The following ATP1A4 variants were observed in gnomAD, a reference collection of about 807,000 sequenced individuals.
ATP1A4 encodes the protein sodium/potassium-transporting ATPase subunit alpha-4.
Under a neutral mutation model 114.3 loss-of-function variants are expected in ATP1A4, and 90 were observed. The ratio of observed to expected loss-of-function variants is 0.79; its 90% CI spans 0.66 to 0.94. The LOEUF is 0.94. Among genes scored for constraint, ATP1A4 ranks in the 40% least tolerant of loss-of-function variants. The probability of loss-of-function intolerance (pLI) is 0.00; values close to 1 mark genes in which losing one functional copy is unlikely to be tolerated. For synonymous variants in ATP1A4, 511 were observed against 494.1 expected, an observed-to-expected ratio of 1.03 and a Z score of -0.45; for missense variants, 1,222 against 1,313.6, an observed-to-expected ratio of 0.93 and a Z score of 1.08.
At chr1:160,184,241 G>A (rs907154357) in intron 20 of ATP1A4, among the ~76,000 whole-genome samples, 1 of 151,992 alleles carries the variant, frequency 6.6e-6, no homozygotes, top group East Asian at 1.9e-4. Context: ...GTGAGCCACC[G>A]CACCTGGCCT....
In ATP1A4 at chr1:160,171,776, C is replaced by G. The variant is rs746528616; in HGVS notation, c.1854+19C>G. On this transcript the variant is annotated intron_variant, in intron 12 of 21. Transcript: ENST00000368081. ...AATTAAGGTAAATACTTGCCCAGACCAGGAGCCCCTCACCTGTCACAAGTT... is the reference window on the plus strand; with the variant it reads ...AATTAAGGTAAATACTTGCCCAGACGAGGAGCCCCTCACCTGTCACAAGTT... 1.9e-6 allele frequency: 3 copies of G among 1,609,756 alleles called. No homozygotes were observed. Among genetic ancestry groups the G allele is most frequent in the South Asian group, 1.1e-5 (1 of 90,512 alleles).
At chr1:160,184,489 G>C (rs1031522816) in intron 20 of ATP1A4, among the ~76,000 whole-genome samples, 3 of 152,102 alleles carry the variant, frequency 2.0e-5, no homozygotes, top group Non-Finnish European at 4.4e-5. Context: ...CAAGACTGCA[G>C]TGAGTTATGA....
intron 20 of ATP1A4, among the ~76,000 whole-genome samples, chr1:160,184,888 T>C (rs934297810): frequency 3.3e-5 from 5 of 152,166 alleles, no homozygotes; most frequent in South Asian, 2.1e-4. Flanking sequence ...ATCTTTGTAA[T>C]ACAGAAGCAT....
chr1:160,164,424 T>A lies in ATP1A4; in HGVS notation c.1047T>A (p.Thr349=). 6.2e-7 allele frequency: 1 copy of A among 1,614,040 alleles called. No homozygotes were observed. The highest frequency in any genetic ancestry group is 8.5e-7 in the Non-Finnish European group (1 of 1,179,926). Residue 349 remains threonine (T), a splice_region_variant and synonymous_variant, in exon 7 of 22, where the codon ACT becomes ACA. Transcript: ENST00000368081. The stretch of plus-strand genomic sequence containing the variant: ...CTGAGGGGCTGTTGGCCACAGTCAC[T>A]GTGAGTAGACAGGGTGGAAAATGGC... ...NVPEGLLATV[T]VCLTLTAKRM...
In ATP1A4 at chr1:160,153,146, G is replaced by T; in HGVS notation, c.148-19G>T. The stretch of plus-strand genomic sequence containing the variant: ...CCTGGGCCACCCCCTGTCCCTCAAT[G>T]CCTCTACTGTCCCCTCAGGATGATC... On this transcript the variant is annotated intron_variant, in intron 1 of 21. Transcript: ENST00000368081. The T allele has an allele frequency of 6.2e-7, 1 of 1,612,340 alleles. No homozygotes were observed. The highest frequency in any genetic ancestry group is 8.5e-7 in the Non-Finnish European group (1 of 1,178,536).
At chr1:160,177,690 C>G (rs1653529259) in intron 18 of ATP1A4, 26 bp downstream of exon 18, 3 of 1,612,786 alleles carry the variant, frequency 1.9e-6, no homozygotes, top group Non-Finnish European at 2.5e-6. Context: ...AAGGTAGGAG[C>G]TGAGACCAGT....
At chr1:160,158,675 C>T (rs915375125) in intron 4 of ATP1A4, among the ~76,000 whole-genome samples, 2 of 152,256 alleles carry the variant, frequency 1.3e-5, no homozygotes, top group African/African-American at 2.4e-5. Context: ...CCACCAGTCA[C>T]GGCCTGAAAG....
At position 160,181,706 on chromosome 1, in the gene ATP1A4, T is replaced by C; in HGVS notation, c.2759T>C (p.Val920Ala). Reference protein sequence around the residue: ...QQWTYEQRKVVEFTCQTAFFV... With the variant: ...QQWTYEQRKVAEFTCQTAFFV... ...TAGACCTATGAGCAACGAAAAGTTGTGGAGTTCACATGCCAAACGGCCTTT... is the reference window on the plus strand; with the variant it reads ...TAGACCTATGAGCAACGAAAAGTTGCGGAGTTCACATGCCAAACGGCCTTT... The change falls in exon 19 of 22, where the codon GTG (valine) becomes GCG (alanine). Residue 920 changes from valine to alanine, a missense_variant. Physicochemically the swap from Val to Ala is moderately conservative, Grantham distance 64. Transcript: ENST00000368081. The C allele has an allele frequency of 4.3e-6, 7 of 1,614,154 alleles. No individual in the cohort carries two copies. The highest frequency in any genetic ancestry group is 5.9e-6 in the Non-Finnish European group (7 of 1,180,038).
In ATP1A4 at chr1:160,166,517, C is replaced by T. The variant is rs1356214460; in HGVS notation, c.1048-11C>T. On this transcript the variant is annotated splice_polypyrimidine_tract_variant and intron_variant, in intron 7 of 21. Coordinates refer to ENST00000368081, the MANE Select transcript of ATP1A4 (RefSeq NM_144699.4). ...TCCCATGTGTATTCTCTCCTCTCTT[C>T]TTGGCTTTAGGTGTGCCTGACCCTC... The T allele has an allele frequency of 6.2e-7, 1 of 1,614,160 alleles. No individual in the cohort carries two copies. The highest frequency in any genetic ancestry group is 1.3e-5 in the African/African-American group (1 of 75,066).
intron 1 of ATP1A4, 37 bp from the exon 2 acceptor site, chr1:160,153,128 C>T (rs772239059): frequency 6.3e-7 from 1 of 1,587,194 alleles, no homozygotes; most frequent in South Asian, 1.1e-5. Flanking sequence ...TGACCTGGGC[C>T]ACCCCCTGTC....
At position 160,166,652 on chromosome 1, in the gene ATP1A4, A is replaced by C; in HGVS notation, c.1172A>C (p.Gln391Pro). 6.2e-7 allele frequency: 1 copy of C among 1,614,216 alleles called. No homozygotes were observed. ...TCAGACAAGACGGGCACCCTCACCC[A>C]GAACCGCATGACCGTCGCCCACATG... ...ICSDKTGTLT[Q>P]NRMTVAHMWF... The change falls in exon 8 of 22, where the codon CAG becomes CCG. Residue 391 changes from glutamine (Q) to proline (P), a missense_variant. By Grantham distance (76) the Gln-to-Pro change is moderately conservative. Transcript: ENST00000368081.
intron 12 of ATP1A4, 32 bp downstream of exon 12, chr1:160,171,789 C>A (rs761491326): frequency 6.2e-7 from 1 of 1,602,856 alleles, no homozygotes; most frequent in Non-Finnish European, 8.5e-7. Flanking sequence ...GAGCCCCTCA[C>A]CTGTCACAAG....
intron 18 of ATP1A4, among the ~76,000 whole-genome samples, chr1:160,178,602 G>A (rs2101653107): frequency 6.6e-6 from 1 of 152,172 alleles, no homozygotes; most frequent in South Asian, 2.1e-4. Flanking sequence ...TTGATCCCAG[G>A]AGGCGGAGAT....
intron 20 of ATP1A4, among the ~76,000 whole-genome samples, chr1:160,184,534 A>G (rs4656251): frequency 0.75 from 114,274 of 151,954 alleles, 43,576 homozygotes; most frequent in African/African-American, 0.87. Context: ...ACGACAGAGC[A>G]AGTCCCTGTC....
chr1:160,172,417 C>G (rs1174018324), intron 12 of ATP1A4, among the ~76,000 whole-genome samples: 1 of 152,050 alleles, frequency 6.6e-6, no homozygotes, highest in African/African-American at 2.4e-5. Context: ...AGGTATATGC[C>G]CAGGTCTAAA....
At chr1:160,184,914 C>T (rs1653826340) in intron 20 of ATP1A4, among the ~76,000 whole-genome samples, 1 of 152,122 alleles carries the variant, frequency 6.6e-6, no homozygotes, top group Non-Finnish European at 1.5e-5. Flanking sequence ...TATTCGCCGA[C>T]AAAGTATCCC....
At chr1:160,163,500 T>C (rs1226913649) in intron 6 of ATP1A4, among the ~76,000 whole-genome samples, 1 of 152,098 alleles carries the variant, frequency 6.6e-6, no homozygotes, top group Non-Finnish European at 1.5e-5. Flanking sequence ...TTACTTAGGT[T>C]TACCCATTAT....
intron 4 of ATP1A4, 91 bp from the exon 5 acceptor site, chr1:160,158,911 G>A (rs1187156447): frequency 2.1e-6 from 3 of 1,398,258 alleles, no homozygotes; most frequent in Non-Finnish European, 2.9e-6. Context: ...GGAGTAAGGA[G>A]GAGGGAGACC....
At chr1:160,178,397 C>A (rs1172144137) in intron 18 of ATP1A4, among the ~76,000 whole-genome samples, 1 of 151,868 alleles carries the variant, frequency 6.6e-6, no homozygotes, top group Non-Finnish European at 1.5e-5. Context: ...TGAAAACCAG[C>A]TGGGCACAGT....
Sources: gnomAD v4.1 joint callset for allele counts (sites outside exome capture counted in the v4.1 genomes callset) on GRCh38, gnomAD v4.1.1 for gene constraint, MANE v1.5 for transcripts, NCBI Gene and HGNC (gene_info 2026-07-23, HGNC 2026-07-21) for gene names.